The following SV2C variants were observed in gnomAD, a reference collection of about 807,000 sequenced individuals.
SV2C encodes synaptic vesicle glycoprotein 2C.
Under a neutral mutation model 79.7 loss-of-function variants are expected in SV2C, and 49 were observed. The observed-to-expected ratio is 0.61, with a 90% CI of 0.49 to 0.78. SV2C has a LOEUF of 0.78. Among genes scored for constraint, SV2C ranks in the 30% least tolerant of loss-of-function variants. The pLI is 0.00. For missense variants in SV2C, 833 were observed against 912.9 expected (o/e 0.91, Z 1.13); for synonymous variants, 334 against 333.2 (o/e 1.00, Z -0.03).
chr5:75,920,939 T>C, the SV2C span: 1 of 728,344 alleles, frequency 1.4e-6, no homozygotes, highest in Non-Finnish European at 2.5e-6. Context: ...GGCAAAGCTC[T>C]TGGTGATGAT....
At chr5:76,061,268 T>TAAAAAAAAAA in the SV2C span, among the ~76,000 whole-genome samples, 63 of 51,594 alleles carry the variant, frequency 1.2e-3, 1 homozygote, top group Middle Eastern at 0.014. Context: ...CTTCAATTTG[T>TAAAAAAAAAA]AAAAAAAAAA....
chr5:76,104,643 A>T (rs1053381482), intron 1 of SV2C, among the ~76,000 whole-genome samples: 2 of 152,182 alleles, frequency 1.3e-5, no homozygotes, highest in African/African-American at 4.8e-5. Context: ...AATTATTAAC[A>T]TACTCTCTAG....
intron 1 of SV2C, among the ~76,000 whole-genome samples, chr5:76,127,069 G>T (rs1748728806): frequency 6.6e-6 from 1 of 152,186 alleles, no homozygotes; most frequent in Non-Finnish European, 1.5e-5. Flanking sequence ...AAATACAATT[G>T]TTAGAAGAAT....
At chr5:75,970,645 A>C in the SV2C span, among the ~76,000 whole-genome samples, 1 of 152,206 alleles carries the variant, frequency 6.6e-6, no homozygotes. Flanking sequence ...ATCTCTGATT[A>C]GACCAATAAT....
the SV2C span, among the ~76,000 whole-genome samples, chr5:76,033,055 G>A: frequency 1.3e-5 from 2 of 152,150 alleles, no homozygotes; most frequent in African/African-American, 4.8e-5. Flanking sequence ...CTTTTGAGAA[G>A]TGTCTGTTCA....
At chr5:75,856,255 A>G in the SV2C span, among the ~76,000 whole-genome samples, 1 of 152,190 alleles carries the variant, frequency 6.6e-6, no homozygotes, top group Non-Finnish European at 1.5e-5. Context: ...CAACAGACAT[A>G]GGAGTGCAGA....
chr5:76,251,843 C>A (rs1746126090), intron 4 of SV2C, among the ~76,000 whole-genome samples: 1 of 152,110 alleles, frequency 6.6e-6, no homozygotes, highest in African/African-American at 2.4e-5. Context: ...ATGTACATGA[C>A]CACTTAATCA....
In SV2C at chr5:76,285,842, C is replaced by A; in HGVS notation, c.1109C>A (p.Ala370Asp). Residue 370 changes from alanine to aspartate, a missense_variant, in exon 6 of 13, where the codon GCC becomes GAC. Transcript: ENST00000502798. ...LKLIHDTNMR[A>D]RGQPEKVFTV... ...TTAATTCATGACACCAACATGAGAGCCCGGGGTCAGCCTGAGAAGGTCTTC... is the reference window on the plus strand; with the variant it reads ...TTAATTCATGACACCAACATGAGAGACCGGGGTCAGCCTGAGAAGGTCTTC... 2.5e-6 allele frequency: 4 copies of A among 1,614,060 alleles called. No homozygotes were observed. The highest frequency in any genetic ancestry group is 3.4e-6 in the Non-Finnish European group (4 of 1,179,966).
chr5:76,056,905 T>C, the SV2C span, among the ~76,000 whole-genome samples: 2 of 152,048 alleles, frequency 1.3e-5, no homozygotes, highest in Admixed American at 1.3e-4. Context: ...TCTTTATTAG[T>C]CTAGCTGGCA....
chr5:75,976,430 G>A, the SV2C span, among the ~76,000 whole-genome samples: 3 of 152,090 alleles, frequency 2.0e-5, no homozygotes, highest in East Asian at 1.9e-4. Context: ...ACTCTTCATC[G>A]ACTGTTAATT....
chr5:76,306,228 T>C (rs925227123), intron 12 of SV2C, among the ~76,000 whole-genome samples: 1 of 152,142 alleles, frequency 6.6e-6, no homozygotes, highest in Non-Finnish European at 1.5e-5. Flanking sequence ...ATTTTATTTT[T>C]TTTTATTTTA....
Position 76,083,424 on chromosome 5 carries a change from G to A in SV2C, c.-190G>A, listed in dbSNP as rs1370668780. The A allele has an allele frequency of 2.0e-5, 3 of 152,468 alleles. No individual in the cohort carries two copies. The highest frequency in any genetic ancestry group is 7.2e-5 in the African/African-American group (3 of 41,482). The allele number at this position is 152,468 out of a possible 1,614,324, so 9.4% of individuals were successfully genotyped here. A position where few individuals can be genotyped will look rare whatever the true frequency, so the allele number is the denominator to read the frequency against. On this transcript the variant is annotated 5_prime_UTR_variant, in exon 1 of 13. Coordinates refer to ENST00000502798, the MANE Select transcript of SV2C (RefSeq NM_014979.4). ...CAGGCGAGAGTGGCAGACGGAGGCA[G>A]CCCGGGGAAGCGAGCCGGAGCGGCG...
At chr5:75,881,263 G>T in the SV2C span, among the ~76,000 whole-genome samples, 3 of 152,026 alleles carry the variant, frequency 2.0e-5, no homozygotes, top group Non-Finnish European at 4.4e-5. Context: ...ATTAATCTGA[G>T]GAAATTAATA....
At chr5:75,937,252 T>C in the SV2C span, among the ~76,000 whole-genome samples, 1 of 152,246 alleles carries the variant, frequency 6.6e-6, no homozygotes, top group Admixed American at 6.5e-5. Flanking sequence ...TGTCATACTC[T>C]TTGTGAAGTT....
At chr5:75,912,215 G>A in the SV2C span, among the ~76,000 whole-genome samples, 1 of 152,136 alleles carries the variant, frequency 6.6e-6, no homozygotes. Flanking sequence ...AGAAACATAA[G>A]CACACATACT....
chr5:75,851,353 T>C, the SV2C span, among the ~76,000 whole-genome samples: 3 of 152,216 alleles, frequency 2.0e-5, no homozygotes, highest in Non-Finnish European at 4.4e-5. Context: ...AGTTCAATTT[T>C]TGAGTTTATG....
the SV2C span, among the ~76,000 whole-genome samples, chr5:75,883,812 A>C: frequency 4.6e-5 from 7 of 151,350 alleles, no homozygotes; most frequent in Non-Finnish European, 1.0e-4. Context: ...CATTGTGCAC[A>C]TGTACCCTAA....
At chr5:76,252,663 G>A (rs2112441695) in intron 4 of SV2C, among the ~76,000 whole-genome samples, 1 of 152,308 alleles carries the variant, frequency 6.6e-6, no homozygotes, top group South Asian at 2.1e-4. Context: ...TTGTGGTCAG[G>A]TGGTTTCGAA....
Position 76,301,404 on chromosome 5 carries a change from C to G in SV2C, c.1859C>G (p.Ser620Trp). 1 of 1,613,950 alleles carries G rather than the reference C, an allele frequency of 6.2e-7. No individual in the cohort carries two copies. Among genetic ancestry groups the G allele is most frequent in the Non-Finnish European group, 8.5e-7 (1 of 1,179,960 alleles). Residue 620 changes from serine to tryptophan, a missense_variant, in exon 12 of 13, where the codon TCG becomes TGG. Ser to Trp is a radical substitution (Grantham distance 177). Coordinates refer to ENST00000502798, the MANE Select transcript of SV2C (RefSeq NM_014979.4). Reference sequence around the variant, plus strand: ...TTGGCAGGTGGCTCTATGGTGCTTTCGGGGATCAGCTGTTTCTTCCTTTGG... The same window carrying G: ...TTGGCAGGTGGCTCTATGGTGCTTTGGGGGATCAGCTGTTTCTTCCTTTGG... ...LTMLGGSMVLSGISCFFLWFG... is the reference protein window; with the variant it reads ...LTMLGGSMVLWGISCFFLWFG...
Sources: allele counts gnomAD v4.1 joint callset (sites outside exome capture counted in the v4.1 genomes callset), GRCh38; gene constraint gnomAD v4.1.1; transcripts MANE v1.5; gene names NCBI Gene and HGNC (gene_info 2026-07-23, HGNC 2026-07-21).